The following CLRN3 variants were observed in gnomAD, a reference collection of about 807,000 sequenced individuals.
The protein encoded by CLRN3 is clarin-3.
CLRN3 carries 12 observed loss-of-function variants against 16.7 expected under a neutral mutation model. The observed-to-expected ratio is 0.72, with a 90% CI of 0.46 to 1.16. CLRN3 has a LOEUF of 1.16. Among genes scored for constraint, CLRN3 ranks in the 50% most tolerant of loss-of-function variants. CLRN3 has a pLI of 0.00. For missense variants in CLRN3, 296 were observed against 274.2 expected, an observed-to-expected ratio of 1.08 and a Z score of -0.56; for synonymous variants, 118 against 113.0, an observed-to-expected ratio of 1.04 and a Z score of -0.28.
chr10:127,885,079 G>C (rs1435574130), intron 1 of CLRN3, among the ~76,000 whole-genome samples: 1 of 152,168 alleles, frequency 6.6e-6, no homozygotes, highest in Non-Finnish European at 1.5e-5. Context: ...TCTTTATCTG[G>C]AGCAGCTTTA....
chr10:127,885,027 G>C (rs941087083), intron 1 of CLRN3, among the ~76,000 whole-genome samples: 5 of 152,232 alleles, frequency 3.3e-5, no homozygotes, highest in African/African-American at 1.2e-4. Context: ...TTTCCGTTCT[G>C]GTTTCTCTGG....
intron 1 of CLRN3, among the ~76,000 whole-genome samples, chr10:127,884,194 C>A (rs943631163): frequency 1.3e-5 from 2 of 152,222 alleles, no homozygotes; most frequent in Non-Finnish European, 2.9e-5. Flanking sequence ...TTACTGAGCT[C>A]GGGCTCCGTC....
At chr10:127,889,279 A>G (rs1845232026) in intron 1 of CLRN3, among the ~76,000 whole-genome samples, 1 of 152,148 alleles carries the variant, frequency 6.6e-6, no homozygotes, top group African/African-American at 2.4e-5. Flanking sequence ...CTATGATCAC[A>G]CCACTGCACT....
At chr10:127,880,058 T>G (rs892766088) in intron 2 of CLRN3, among the ~76,000 whole-genome samples, 4 of 152,222 alleles carry the variant, frequency 2.6e-5, no homozygotes, top group African/African-American at 9.6e-5. Flanking sequence ...GGAGAATGTT[T>G]TAAACACTCC....
At chr10:127,888,947 G>A (rs550647993) in intron 1 of CLRN3, among the ~76,000 whole-genome samples, 32 of 152,228 alleles carry the variant, frequency 2.1e-4, no homozygotes, top group African/African-American at 5.8e-4. Flanking sequence ...CTCACCCCGC[G>A]GAGATTGCTA....
chr10:127,891,303 A>C (rs1354438904), intron 1 of CLRN3, among the ~76,000 whole-genome samples: 1 of 152,220 alleles, frequency 6.6e-6, no homozygotes, highest in Non-Finnish European at 1.5e-5. Context: ...TTGGAAATCA[A>C]CTGGTTCCAA....
chr10:127,887,769 T>C (rs759178093), intron 1 of CLRN3, among the ~76,000 whole-genome samples: 1 of 152,214 alleles, frequency 6.6e-6, no homozygotes, highest in Non-Finnish European at 1.5e-5. Flanking sequence ...TAAACTTCCA[T>C]AGAATCTGAC....
intron 2 of CLRN3, among the ~76,000 whole-genome samples, chr10:127,881,261 A>G (rs1343183507): frequency 6.6e-6 from 1 of 152,140 alleles, no homozygotes; most frequent in Non-Finnish European, 1.5e-5. Context: ...CCGTCCAACA[A>G]TTCTTTGTGG....
At position 127,892,669 on chromosome 10, in the gene CLRN3, G is replaced by C. The variant is rs1201795467; in HGVS notation, c.116C>G (p.Ala39Gly). 1.2e-6 allele frequency: 2 copies of C among 1,610,702 alleles called. No homozygotes were observed. Among genetic ancestry groups the C allele is most frequent in the Admixed American group, 3.3e-5 (2 of 60,020 alleles). The part of the protein sequence containing the change: ...GTQAWITSTI[A>G]VRDSASNGSI... Reference sequence around the variant, plus strand: ...CCCATTTGAAGCAGAGTCTCTAACAGCAATTGTACTGGTGATCCATGCTTG... The same window carrying C: ...CCCATTTGAAGCAGAGTCTCTAACACCAATTGTACTGGTGATCCATGCTTG... Residue 39 changes from alanine (A) to glycine (G), a missense_variant, in exon 1 of 3, where the codon GCT becomes GGT. Transcript: ENST00000368671.
At chr10:127,886,958 G>GGGGCCTGCT in intron 1 of CLRN3, among the ~76,000 whole-genome samples, 1 of 152,248 alleles carries the variant, frequency 6.6e-6, no homozygotes, top group Non-Finnish European at 1.5e-5. Flanking sequence ...AGGGACGGGT[G>GGGGCCTGCT]GGGCCTGCTG....
Position 127,883,885 on chromosome 10 carries a change from T to A in CLRN3, c.230-10A>T. ...TTCAGTATCTCTAAAACTAAAACAA[T>A]GTTTTGTGAGTGCATAGCACATAAT... is the stretch of plus-strand genomic sequence containing the variant. On this transcript the variant is annotated splice_polypyrimidine_tract_variant and intron_variant, in intron 1 of 2. Coordinates refer to ENST00000368671, the MANE Select transcript of CLRN3 (RefSeq NM_152311.5). 6.2e-7 allele frequency: 1 copy of A among 1,613,682 alleles called. No individual in the cohort carries two copies. Among genetic ancestry groups the A allele is most frequent in the Non-Finnish European group, 8.5e-7 (1 of 1,179,582 alleles).
At chr10:127,882,634 A>G (rs368067727) in intron 2 of CLRN3, among the ~76,000 whole-genome samples, 87 of 152,072 alleles carry the variant, frequency 5.7e-4, no homozygotes, top group African/African-American at 2.0e-3. Flanking sequence ...ACCTGCGCCT[A>G]CCTCGTGGTA....
chr10:127,883,325 T>G (rs1000869913), intron 2 of CLRN3, among the ~76,000 whole-genome samples: 3 of 152,196 alleles, frequency 2.0e-5, no homozygotes, highest in Non-Finnish European at 2.9e-5. Context: ...CATGTGTATG[T>G]GTGTGCACAT....
At chr10:127,885,022 G>T (rs112126197) in intron 1 of CLRN3, among the ~76,000 whole-genome samples, 2,877 of 152,344 alleles carry the variant, frequency 0.019, 46 homozygotes, top group Middle Eastern at 0.041. Context: ...CTTTGTTTCC[G>T]TTCTGGTTTC....
At chr10:127,881,743 G>A (rs1276415409) in intron 2 of CLRN3, among the ~76,000 whole-genome samples, 1 of 152,212 alleles carries the variant, frequency 6.6e-6, no homozygotes, top group African/African-American at 2.4e-5. Context: ...GAGGAAATGA[G>A]AAATTTTTTT....
intron 1 of CLRN3, among the ~76,000 whole-genome samples, chr10:127,885,108 G>T (rs1845178540): frequency 6.6e-6 from 1 of 152,280 alleles, no homozygotes; most frequent in East Asian, 1.9e-4. Flanking sequence ...AAAGCGAAAA[G>T]GCCAGGTAGG....
chr10:127,891,478 C>T (rs1845257118), intron 1 of CLRN3, among the ~76,000 whole-genome samples: 1 of 152,224 alleles, frequency 6.6e-6, no homozygotes, highest in Admixed American at 6.5e-5. Context: ...CAATGTTCCC[C>T]ATCCTTATGG....
Position 127,877,886 on chromosome 10 carries a change from C to A in CLRN3, c.*263G>T. 1 of 421,850 alleles carries A rather than the reference C, an allele frequency of 2.4e-6. No individual in the cohort carries two copies. Among genetic ancestry groups the A allele is most frequent in the South Asian group, 3.2e-5 (1 of 31,544 alleles). 26.1% of individuals were successfully genotyped at this position (421,850 alleles called of 1,614,324 possible). On this transcript the variant is annotated 3_prime_UTR_variant, in exon 3 of 3. Coordinates refer to ENST00000368671, the MANE Select transcript of CLRN3 (RefSeq NM_152311.5). The stretch of plus-strand genomic sequence containing the variant: ...CTTTTATTATTTCAGATCGTGAGAC[C>A]AGGTCAGAAGGGTCGTTACGCTCAT...
intron 1 of CLRN3, among the ~76,000 whole-genome samples, chr10:127,888,125 T>G (rs1354000315): frequency 6.6e-6 from 1 of 152,222 alleles, no homozygotes; most frequent in East Asian, 1.9e-4. Context: ...CGTGGCTTTG[T>G]GAGTGGATGG....
Sources: gnomAD v4.1 joint callset for allele counts (sites outside exome capture counted in the v4.1 genomes callset) on GRCh38, gnomAD v4.1.1 for gene constraint, MANE v1.5 for transcripts, NCBI Gene and HGNC (gene_info 2026-07-23, HGNC 2026-07-21) for gene names.